Variants in OGN observed in about 807,000 individuals in gnomAD.
OGN encodes the protein osteoglycin.
Under a neutral mutation model 30.8 loss-of-function variants are expected in OGN, and 19 were observed. The observed-to-expected ratio is 0.62, with a 90% confidence interval of 0.43 to 0.90. The LOEUF (loss-of-function observed/expected upper bound fraction) is 0.90, where lower values mean the gene tolerates loss of function less well. Among genes scored for constraint, OGN ranks in the 40% least tolerant of loss-of-function variants. The probability of loss-of-function intolerance (pLI) is 0.00; values close to 1 mark genes in which losing one functional copy is unlikely to be tolerated. For missense variants in OGN, 283 were observed against 349.7 expected, an observed-to-expected ratio of 0.81 and a Z score of 1.52; for synonymous variants, 126 against 128.3, an observed-to-expected ratio of 0.98 and a Z score of 0.12.
chr9:92,398,982 G>A (rs1381201231), intron 3 of OGN, among the ~76,000 whole-genome samples: 1 of 151,674 alleles, frequency 6.6e-6, no homozygotes, highest in Admixed American at 6.6e-5. Flanking sequence ...AATTGCTTGA[G>A]CCCAAATGGC....
chr9:92,396,506 TC>T (rs1278374465), intron 3 of OGN, among the ~76,000 whole-genome samples: 1 of 152,048 alleles, frequency 6.6e-6, no homozygotes, highest in Non-Finnish European at 1.5e-5. Flanking sequence ...TATATATAGG[TC>T]TTCTTTATTT....
rs1015165697 is a variant in OGN at position 92,388,307 on chromosome 9, G to A, written c.630+1547C>T. Among the ~76,000 whole-genome samples the A allele has an allele frequency of 2.6e-5, 4 of 151,528 alleles. No homozygotes were observed. The East Asian group carries it at 5.9e-4, about 22-fold the overall frequency. On this transcript the variant is annotated intron_variant, in intron 5 of 6. Transcript: ENST00000375561. ...CTCCTGAGTAGCTGGGACTACAGGCGCCCACCACCACGCCTAGCTAATTTT... is the reference window on the plus strand; with the variant it reads ...CTCCTGAGTAGCTGGGACTACAGGCACCCACCACCACGCCTAGCTAATTTT...
chr9:92,393,090 G>A lies in OGN; in HGVS notation c.423C>T (p.Asp141=), dbSNP rs756742479. 6 of 1,612,748 alleles carry A rather than the reference G, an allele frequency of 3.7e-6. No homozygotes were observed. Among genetic ancestry groups the A allele is most frequent in the Non-Finnish European group, 4.2e-6 (5 of 1,179,372 alleles). Residue 141 remains aspartate (D), a synonymous_variant, in exon 4 of 7, where the codon GAC becomes GAT. Transcript: ENST00000375561. ...TCATATTTCAGCTTAACTTACGTAT[G>A]TCTGCAAAATCTTTGGCAGTCAGCT... is the stretch of plus-strand genomic sequence containing the variant. The part of the protein sequence containing the change: ...IKKLTAKDFA[D]IPNLRRLDFT...
intron 3 of OGN, among the ~76,000 whole-genome samples, chr9:92,397,549 C>A (rs1030085903): frequency 1.3e-5 from 2 of 152,104 alleles, no homozygotes; most frequent in African/African-American, 4.8e-5. Context: ...AGGCTTGTCT[C>A]AAATTCCTAA....
chr9:92,404,670 C>T, upstream of OGN: 3 of 1,247,952 alleles, frequency 2.4e-6, no homozygotes, highest in Non-Finnish European at 3.1e-6. Context: ...AGATCTTTGC[C>T]AGCATTCTTT....
chr9:92,400,331 A>T (rs886158537), intron 3 of OGN, among the ~76,000 whole-genome samples: 17 of 151,934 alleles, frequency 1.1e-4, no homozygotes, highest in African/African-American at 4.1e-4. Flanking sequence ...TTGTATTTTT[A>T]GTAGAGACAG....
intron 6 of OGN, 98 bp from the exon 7 acceptor site, chr9:92,385,888 C>G (rs902467716): frequency 2.8e-5 from 30 of 1,068,280 alleles, no homozygotes; most frequent in Non-Finnish European, 3.1e-5. Context: ...GGTCTGAGTG[C>G]CCCCTCACTT....
At chr9:92,401,593 T>G (rs1411278270) in intron 2 of OGN, among the ~76,000 whole-genome samples, 1 of 152,168 alleles carries the variant, frequency 6.6e-6, no homozygotes, top group African/African-American at 2.4e-5. Flanking sequence ...CCATTTTGAG[T>G]AAGACTAGAG....
chr9:92,387,053 G>GAAAA (rs903436031), intron 5 of OGN, among the ~76,000 whole-genome samples: 44 of 50,138 alleles, frequency 8.8e-4, no homozygotes, highest in Non-Finnish European at 1.1e-3. Context: ...GTCTCAAAAA[G>GAAAA]AAAAAAAAAA....
chr9:92,386,772 C>T (rs1165478693), intron 5 of OGN, among the ~76,000 whole-genome samples: 2 of 152,096 alleles, frequency 1.3e-5, no homozygotes, highest in Admixed American at 6.5e-5. Context: ...TTAGTAGAGA[C>T]GAGGTTTCAC....
chr9:92,396,421 ATC>A (rs1186978302), intron 3 of OGN, among the ~76,000 whole-genome samples: 19 of 152,000 alleles, frequency 1.3e-4, no homozygotes, highest in African/African-American at 4.3e-4. Flanking sequence ...ATTGTGTTGA[ATC>A]TCTAAATTTG....
chr9:92,391,895 A>T (rs924522369), intron 4 of OGN, among the ~76,000 whole-genome samples: 1 of 152,174 alleles, frequency 6.6e-6, no homozygotes, highest in East Asian at 1.9e-4. Context: ...ACAAATATGG[A>T]ATCCACAAAT....
intron 5 of OGN, among the ~76,000 whole-genome samples, chr9:92,389,192 C>T (rs1842565835): frequency 6.6e-6 from 1 of 152,146 alleles, no homozygotes; most frequent in African/African-American, 2.4e-5. Context: ...GGAATGATTA[C>T]ATCAGAGCTA....
At chr9:92,386,172 G>T (rs1324495548) in intron 6 of OGN, 29 bp downstream of exon 6, 8 of 1,458,982 alleles carry the variant, frequency 5.5e-6, no homozygotes, top group Non-Finnish European at 7.7e-6. Context: ...GGTAATTAGA[G>T]TCAGATATTG....
rs1030463507 is a variant in OGN at position 92,404,514 on chromosome 9, GT to G, written c.-95del. 1 of 1,294,584 alleles carries G rather than the reference GT, an allele frequency of 7.7e-7. No homozygotes were observed. Among genetic ancestry groups the G allele is most frequent in the South Asian group, 1.3e-5 (1 of 76,726 alleles). The allele number at this position is 1,294,584 out of a possible 1,614,324, so 80.2% of individuals were successfully genotyped here. A position where few individuals can be genotyped will look rare whatever the true frequency, so the allele number is the denominator to read the frequency against. On this transcript the variant is annotated 5_prime_UTR_variant, in exon 1 of 7. It introduces an in-frame stop codon into an upstream open reading frame of the 5' UTR. Coordinates refer to ENST00000375561, the MANE Select transcript of OGN (RefSeq NM_014057.5). ...AGCCTACCGTTGTAGCTGTTTTGAA[GT>G]TTTTTGTGGTTTTCCTCAATAGATG...
intron 6 of OGN, 64 bp downstream of exon 6, chr9:92,386,137 A>G (rs981497593): frequency 1.6e-5 from 20 of 1,246,352 alleles, no homozygotes; most frequent in African/African-American, 1.5e-4. Context: ...GAGGTTCCCA[A>G]TGAGTCACAA....
intron 5 of OGN, 141 bp from the exon 6 acceptor site, chr9:92,386,437 G>T: frequency 1.7e-6 from 1 of 586,372 alleles, no homozygotes. Context: ...TATATCAATT[G>T]TTCGTATGGT....
rs936745582 is a variant in OGN at position 92,396,892 on chromosome 9, G to A, written c.269-3648C>T. Among the ~76,000 whole-genome samples, 10 of 152,138 alleles carry A rather than the reference G, an allele frequency of 6.6e-5. 1 individual carries two copies. In the East Asian group the frequency reaches 1.7e-3, roughly 26 times the overall value. Reference sequence around the variant, plus strand: ...GATGGATTTAAAAACATTTTGTCAGGAGACTGGGTGCAATGGCTCATATAT... The same window carrying A: ...GATGGATTTAAAAACATTTTGTCAGAAGACTGGGTGCAATGGCTCATATAT... On this transcript the variant is annotated intron_variant, in intron 3 of 6. Transcript: ENST00000375561.
rs1842330395 is a variant in OGN, at chr9:92,383,921, A to T, written c.*1699T>A. 1.3e-5 allele frequency: 2 copies of T among 152,182 alleles called. No individual in the cohort carries two copies. The highest frequency in any genetic ancestry group is 1.3e-4 in the Admixed American group (2 of 15,288). The allele number at this position is 152,182 out of a possible 1,614,324, so 9.4% of individuals were successfully genotyped here. A position where few individuals can be genotyped will look rare whatever the true frequency, so the allele number is the denominator to read the frequency against. On this transcript the variant is annotated 3_prime_UTR_variant, in exon 7 of 7. Transcript: ENST00000375561. ...ACTAGAAAGATGACAGTCATTCAAG[A>T]TTATGATAGTTTAAAGATTCAATTT...
Sources: gnomAD v4.1 joint callset for allele counts (sites outside exome capture counted in the v4.1 genomes callset) on GRCh38, gnomAD v4.1.1 for gene constraint, MANE v1.5 for transcripts, NCBI Gene and HGNC (gene_info 2026-07-23, HGNC 2026-07-21) for gene names.